RAB38: variants seen among roughly 807,000 people sequenced by gnomAD.
RAB38 encodes ras-related protein Rab-38.
In RAB38, 15 loss-of-function variants were observed where a neutral mutation model predicts 18.4. The ratio of observed to expected loss-of-function variants is 0.82; its 90% confidence interval spans 0.55 to 1.26. The LOEUF (loss-of-function observed/expected upper bound fraction) is 1.26. RAB38 is among the 50% of genes most tolerant of loss of function. The pLI, the probability that RAB38 is intolerant of heterozygous loss-of-function variation, is 0.00. For missense variants in RAB38, 294 were observed against 267.4 expected (o/e 1.10, Z -0.69); for synonymous variants, 101 against 104.4 (o/e 0.97, Z 0.20).
chr11:88,012,937 C>A, the RAB38 span, among the ~76,000 whole-genome samples: 1 of 152,096 alleles, frequency 6.6e-6, no homozygotes, highest in Admixed American at 6.5e-5. Context: ...ACTACGTGTA[C>A]AGAAAGTATT....
chr11:87,889,971 A>G, the RAB38 span, among the ~76,000 whole-genome samples: 2 of 151,828 alleles, frequency 1.3e-5, no homozygotes, highest in East Asian at 2.0e-4. Context: ...TATAAAAATT[A>G]TATACATTAT....
the RAB38 span, among the ~76,000 whole-genome samples, chr11:87,910,408 T>C: frequency 1.5e-5 from 2 of 130,494 alleles, no homozygotes; most frequent in Non-Finnish European, 3.0e-5. Context: ...CTAGTCTGCC[T>C]TTTTTTTCAT....
the RAB38 span, among the ~76,000 whole-genome samples, chr11:87,845,924 A>G: frequency 6.6e-6 from 1 of 152,114 alleles, no homozygotes; most frequent in Non-Finnish European, 1.5e-5. Context: ...TCTATATCCA[A>G]TGCAAATATC....
At chr11:88,138,844 G>A (rs896983599) in intron 2 of RAB38, among the ~76,000 whole-genome samples, 5 of 150,900 alleles carry the variant, frequency 3.3e-5, no homozygotes, top group Admixed American at 6.6e-5. Flanking sequence ...GTGCAATGGC[G>A]CGATCTCGGC....
the RAB38 span, among the ~76,000 whole-genome samples, chr11:88,019,449 C>T: frequency 2.0e-5 from 3 of 152,212 alleles, no homozygotes; most frequent in Non-Finnish European, 4.4e-5. Flanking sequence ...GCCAGGACCC[C>T]TGCAACTTGC....
At chr11:87,865,654 C>T in the RAB38 span, among the ~76,000 whole-genome samples, 2 of 151,028 alleles carry the variant, frequency 1.3e-5, no homozygotes, top group East Asian at 2.0e-4. Flanking sequence ...GAAGCTAATA[C>T]ATGATCAAGA....
At chr11:88,038,866 T>C in the RAB38 span, among the ~76,000 whole-genome samples, 1 of 152,214 alleles carries the variant, frequency 6.6e-6, no homozygotes. Context: ...ATAATCCACA[T>C]TGCAATCAGC....
the RAB38 span, among the ~76,000 whole-genome samples, chr11:88,028,347 T>C: frequency 6.6e-6 from 1 of 152,136 alleles, no homozygotes; most frequent in Non-Finnish European, 1.5e-5. Context: ...GGAATGCAGT[T>C]CCTCACCAGA....
At chr11:87,951,178 C>T in the RAB38 span, among the ~76,000 whole-genome samples, 13 of 152,270 alleles carry the variant, frequency 8.5e-5, no homozygotes, top group South Asian at 4.2e-4. Flanking sequence ...TTGATCGCAT[C>T]GGCTCCTGAG....
chr11:87,976,135 T>C, the RAB38 span, among the ~76,000 whole-genome samples: 1 of 149,330 alleles, frequency 6.7e-6, no homozygotes, highest in South Asian at 2.1e-4. Context: ...TATATGTGTG[T>C]GTGTGTATAT....
chr11:87,929,833 C>A, the RAB38 span, among the ~76,000 whole-genome samples: 1 of 150,128 alleles, frequency 6.7e-6, no homozygotes, highest in Non-Finnish European at 1.5e-5. Context: ...TTTGTCCTTG[C>A]GATAGTTTGC....
the RAB38 span, among the ~76,000 whole-genome samples, chr11:87,859,916 A>G: frequency 6.6e-6 from 1 of 151,992 alleles, no homozygotes; most frequent in Admixed American, 6.6e-5. Context: ...TTTCTTCCAA[A>G]TTAAGAGAAA....
chr11:88,056,832 A>AATAAATACATAC, the RAB38 span, among the ~76,000 whole-genome samples: 69 of 45,550 alleles, frequency 1.5e-3, no homozygotes, highest in African/African-American at 3.1e-3. Context: ...TAAATAAATA[A>AATAAATACATAC]ATACATACAT....
At chr11:88,011,171 T>C in the RAB38 span, among the ~76,000 whole-genome samples, 1 of 152,232 alleles carries the variant, frequency 6.6e-6, no homozygotes, top group Non-Finnish European at 1.5e-5. Context: ...ACAGATATAG[T>C]TCCCACTTAA....
At chr11:88,066,869 G>A in the RAB38 span, among the ~76,000 whole-genome samples, 115,492 of 152,148 alleles carry the variant, frequency 0.76, 43,977 homozygotes, top group African/African-American at 0.79. Flanking sequence ...ACAAACCCCT[G>A]TCATGATTTA....
the RAB38 span, among the ~76,000 whole-genome samples, chr11:88,064,840 C>T: frequency 2.6e-5 from 4 of 152,056 alleles, no homozygotes; most frequent in Admixed American, 1.3e-4. Context: ...TTGTGAATGC[C>T]TACTGTTTGT....
the RAB38 span, among the ~76,000 whole-genome samples, chr11:88,083,220 C>G: frequency 1.3e-5 from 2 of 151,760 alleles, no homozygotes; most frequent in Non-Finnish European, 2.9e-5. Flanking sequence ...TCATCCTAAG[C>G]TCTCTTTATA....
intron 2 of RAB38, among the ~76,000 whole-genome samples, chr11:88,122,683 A>G (rs1270387587): frequency 1.3e-5 from 2 of 152,250 alleles, no homozygotes; most frequent in African/African-American, 4.8e-5. Flanking sequence ...CATATAGGAT[A>G]AACTACTTTG....
chr11:88,115,930 G>A (rs534474453), intron 2 of RAB38: 1 of 152,264 alleles, frequency 6.6e-6, no homozygotes, highest in African/African-American at 2.4e-5. Context: ...GGTAAGGGTG[G>A]GGATGGCATT....
Sources: gnomAD v4.1 joint callset for allele counts (sites outside exome capture counted in the v4.1 genomes callset) on GRCh38, gnomAD v4.1.1 for gene constraint, MANE v1.5 for transcripts, NCBI Gene and HGNC (gene_info 2026-07-23, HGNC 2026-07-21) for gene names.